The following PPM1L variants were observed in gnomAD, a reference collection of about 807,000 sequenced individuals.
The protein encoded by PPM1L is protein phosphatase, Mg2+/Mn2+ dependent 1L.
In PPM1L, 13 loss-of-function variants were observed where a neutral mutation model predicts 31.4. The ratio of observed to expected loss-of-function variants is 0.41; its 90% CI spans 0.27 to 0.66. The LOEUF (loss-of-function observed/expected upper bound fraction) is 0.66. Among genes scored for constraint, PPM1L ranks in the 30% least tolerant of loss-of-function variants. PPM1L has a pLI of 0.29. For missense variants in PPM1L, 326 were observed against 453.7 expected (o/e 0.72, Z 2.56); for synonymous variants, 184 against 175.4 (o/e 1.05, Z -0.39).
chr3:160,837,869 G>C lies in PPM1L; in HGVS notation c.399+81162G>C, dbSNP rs140793907. The stretch of plus-strand genomic sequence containing the variant: ...GGCCCTGAACTTGGTTTAATGCTCT[G>C]CTGTCACTGTCTTGAAATTCTTATT... On this transcript the variant is annotated intron_variant, in intron 1 of 3. Transcript: ENST00000498165. Among the ~76,000 whole-genome samples, 57 of 152,268 alleles carry C rather than the reference G, an allele frequency of 3.7e-4. No individual in the cohort carries two copies. In the East Asian group the frequency reaches 0.01, roughly 27 times the overall value.
At chr3:160,903,208 TTGTGTGTGTG>T (rs59232471) in intron 1 of PPM1L, among the ~76,000 whole-genome samples, 7 of 120,116 alleles carry the variant, frequency 5.8e-5, no homozygotes, top group African/African-American at 1.6e-4. Flanking sequence ...GTGTGTATGT[TTGTGTGTGTG>T]TGTGTGTGTG....
At chr3:160,910,465 C>T (rs1185694749) in intron 1 of PPM1L, among the ~76,000 whole-genome samples, 5 of 151,956 alleles carry the variant, frequency 3.3e-5, no homozygotes, top group African/African-American at 7.3e-5. Context: ...GCATGCGCCA[C>T]CACACCTGGC....
chr3:160,764,122 T>C lies in PPM1L; in HGVS notation c.399+7415T>C, dbSNP rs1358418184. On this transcript the variant is annotated intron_variant, in intron 1 of 3. Coordinates refer to ENST00000498165, the MANE Select transcript of PPM1L (RefSeq NM_139245.4). ...ATTGCTTGCTGGTCATTTTGTTTGT[T>C]TGTTTGTTTCTTTTTTAGGGGGTGG... Among the ~76,000 whole-genome samples, 4 of 152,274 alleles carry C rather than the reference T, an allele frequency of 2.6e-5. No homozygotes were observed. In the East Asian group the frequency reaches 5.8e-4, roughly 22 times the overall value.
intron 1 of PPM1L, among the ~76,000 whole-genome samples, chr3:160,757,439 G>C (rs1307015760): frequency 1.3e-5 from 2 of 152,386 alleles, no homozygotes; most frequent in East Asian, 3.9e-4. Context: ...TAGGGGTGCA[G>C]ACGTCGTCCT....
intron 2 of PPM1L, among the ~76,000 whole-genome samples, chr3:160,984,027 C>T (rs1438943731): frequency 7.2e-5 from 11 of 152,112 alleles, no homozygotes; most frequent in East Asian, 1.9e-4. Flanking sequence ...AATGAACTTC[C>T]GTGTCCCGCT....
intron 1 of PPM1L, among the ~76,000 whole-genome samples, chr3:160,939,995 G>A (rs1294057263): frequency 6.6e-6 from 1 of 152,182 alleles, no homozygotes; most frequent in Non-Finnish European, 1.5e-5. Flanking sequence ...GAACAATAAG[G>A]TCCAAGATGA....
intron 1 of PPM1L, among the ~76,000 whole-genome samples, chr3:160,827,937 A>G (rs1713405263): frequency 6.6e-6 from 1 of 152,064 alleles, no homozygotes; most frequent in African/African-American, 2.4e-5. Flanking sequence ...CAGGCATGTC[A>G]CAAAGTGAGA....
intron 1 of PPM1L, among the ~76,000 whole-genome samples, chr3:160,888,695 A>T (rs956792825): frequency 6.6e-6 from 1 of 151,892 alleles, no homozygotes; most frequent in Non-Finnish European, 1.5e-5. Context: ...CATCTACAGA[A>T]CTCTCCACCT....
intron 2 of PPM1L, among the ~76,000 whole-genome samples, chr3:161,016,508 T>A (rs923233858): frequency 1.3e-5 from 2 of 152,124 alleles, no homozygotes; most frequent in East Asian, 3.9e-4. Flanking sequence ...GGAGGAGAGA[T>A]GGAGGGAGAT....
intron 1 of PPM1L, among the ~76,000 whole-genome samples, chr3:160,958,463 C>T (rs1247293430): frequency 6.6e-6 from 1 of 152,076 alleles, no homozygotes; most frequent in East Asian, 1.9e-4. Context: ...ATTTCCTGTA[C>T]CTCATAGGCA....
intron 1 of PPM1L, among the ~76,000 whole-genome samples, chr3:160,937,859 G>A (rs1715031920): frequency 6.6e-6 from 1 of 152,158 alleles, no homozygotes; most frequent in Non-Finnish European, 1.5e-5. Context: ...CTAAGTGTAT[G>A]TGTTTTAATA....
Position 161,051,403 on chromosome 3 carries a change from C to CAA in PPM1L, c.575-13999_575-13998dup, listed in dbSNP as rs1553757849. On this transcript the variant is annotated intron_variant, in intron 2 of 3. Coordinates refer to ENST00000498165, the MANE Select transcript of PPM1L (RefSeq NM_139245.4). ...ACACACACACACACACACACACACA[C>CAA]AACCATCCTGTCCTATATTATTAAA... 6.3e-3 allele frequency among the ~76,000 whole-genome samples: 936 copies of CAA among 148,036 alleles called. 9 individuals carry two copies. The highest frequency in any genetic ancestry group is 0.022 in the African/African-American group (889 of 40,292).
intron 1 of PPM1L, among the ~76,000 whole-genome samples, chr3:160,894,913 CTTAA>C (rs1713283089): frequency 6.6e-6 from 1 of 152,058 alleles, no homozygotes; most frequent in South Asian, 2.1e-4. Context: ...TTTGTATAAA[CTTAA>C]TTTATTTATC....
At chr3:161,046,489 C>T (rs2108094083) in intron 2 of PPM1L, among the ~76,000 whole-genome samples, 1 of 152,212 alleles carries the variant, frequency 6.6e-6, no homozygotes, top group South Asian at 2.1e-4. Context: ...GACGGATTCA[C>T]AGCCGAATTC....
chr3:160,976,633 T>G (rs1716589684), intron 2 of PPM1L, among the ~76,000 whole-genome samples: 1 of 152,170 alleles, frequency 6.6e-6, no homozygotes, highest in Non-Finnish European at 1.5e-5. Context: ...ATTTATCCAT[T>G]TCTTCTAGAT....
In PPM1L at chr3:161,072,446, A is replaced by G. The variant is rs1231498415; in HGVS notation, c.*3289A>G. 9 of 152,244 alleles carry G rather than the reference A, an allele frequency of 5.9e-5. No individual in the cohort carries two copies. The highest frequency in any genetic ancestry group is 5.9e-4 in the Admixed American group (9 of 15,286). 9.4% of individuals were successfully genotyped at this position (152,244 alleles called of 1,614,324 possible). On this transcript the variant is annotated 3_prime_UTR_variant, in exon 4 of 4. Coordinates refer to ENST00000498165, the MANE Select transcript of PPM1L (RefSeq NM_139245.4). Reference sequence around the variant, plus strand: ...GTGAAGGATGTAAGCTGGATAATTTAAAACAGACCTTATTTCATACAAGTG... The same window carrying G: ...GTGAAGGATGTAAGCTGGATAATTTGAAACAGACCTTATTTCATACAAGTG...
In PPM1L at chr3:161,074,253, T is replaced by C. The variant is rs1269236938; in HGVS notation, c.*5096T>C. ...CTGTCCCATATCATCCCACCTTTCA[T>C]GTTTTATGTACATAGTTAAGTTTGG... is the stretch of plus-strand genomic sequence containing the variant. On this transcript the variant is annotated 3_prime_UTR_variant, in exon 4 of 4. Coordinates refer to ENST00000498165, the MANE Select transcript of PPM1L (RefSeq NM_139245.4). 2 of 152,246 alleles carry C rather than the reference T, an allele frequency of 1.3e-5. No homozygotes were observed. The highest frequency in any genetic ancestry group is 6.5e-5 in the Admixed American group (1 of 15,282). The allele number at this position is 152,246 out of a possible 1,614,324, so 9.4% of individuals were successfully genotyped here.
At chr3:160,926,824 A>C (rs1008029524) in intron 1 of PPM1L, among the ~76,000 whole-genome samples, 16 of 152,192 alleles carry the variant, frequency 1.1e-4, no homozygotes, top group Admixed American at 3.9e-4. Context: ...CATTCACCTG[A>C]GCTCTCCTGA....
At chr3:160,794,966 C>T (rs1712207608) in intron 1 of PPM1L, among the ~76,000 whole-genome samples, 2 of 152,038 alleles carry the variant, frequency 1.3e-5, no homozygotes, top group Non-Finnish European at 2.9e-5. Flanking sequence ...GTGGCTGAAC[C>T]TGGGAGAAGA....
Sources: allele counts gnomAD v4.1 joint callset (sites outside exome capture counted in the v4.1 genomes callset), GRCh38; gene constraint gnomAD v4.1.1; transcripts MANE v1.5; gene names NCBI Gene and HGNC (gene_info 2026-07-23, HGNC 2026-07-21).